The following SETD2 variants were observed in gnomAD, a reference collection of about 807,000 sequenced individuals.
SETD2 encodes the protein SET domain containing 2, histone lysine methyltransferase.
Under a neutral mutation model 242.1 loss-of-function variants are expected in SETD2, and 31 were observed. The ratio of observed to expected loss-of-function variants is 0.13; its 90% confidence interval spans 0.10 to 0.17. SETD2 has a LOEUF of 0.17. SETD2 is among the 10% of genes least tolerant of loss of function. The pLI, the probability that SETD2 is intolerant of heterozygous loss-of-function variation, is 1.00. For synonymous variants in SETD2, 1,006 were observed against 1,066.5 expected, an observed-to-expected ratio of 0.94 and a Z score of 1.11; for missense variants, 2,481 against 3,046.3, an observed-to-expected ratio of 0.81 and a Z score of 4.37.
intron 17 of SETD2, among the ~76,000 whole-genome samples, chr3:47,040,061 C>G (rs2039209354): frequency 6.6e-6 from 1 of 151,586 alleles, no homozygotes; most frequent in South Asian, 2.1e-4. Context: ...ACTGCAACCT[C>G]TGCCTCCAGG....
At chr3:47,108,058 C>T (rs2042508023) in intron 5 of SETD2, among the ~76,000 whole-genome samples, 1 of 151,974 alleles carries the variant, frequency 6.6e-6, no homozygotes, top group Non-Finnish European at 1.5e-5. Flanking sequence ...GTGGGTAGAT[C>T]ACTTAAGCCT....
At chr3:47,023,312 A>G (rs1398734911) in intron 18 of SETD2, among the ~76,000 whole-genome samples, 2 of 152,266 alleles carry the variant, frequency 1.3e-5, no homozygotes, top group South Asian at 2.1e-4. Flanking sequence ...AGGCAGGAGA[A>G]CTGCTTGAAC....
At chr3:47,140,244 T>C (rs943841753) in intron 1 of SETD2, among the ~76,000 whole-genome samples, 3 of 152,228 alleles carry the variant, frequency 2.0e-5, no homozygotes, top group Non-Finnish European at 4.4e-5. Context: ...TCTCTACTTG[T>C]CTGCCAAATA....
chr3:47,019,977 G>A, intron 18 of SETD2, 137 bp from the exon 19 acceptor site: 1 of 706,940 alleles, frequency 1.4e-6, no homozygotes, highest in South Asian at 1.6e-5. Flanking sequence ...TAGAGGCCCT[G>A]ACTCAGGTAC....
At chr3:47,072,952 A>T (rs2040888813) in intron 12 of SETD2, among the ~76,000 whole-genome samples, 1 of 151,526 alleles carries the variant, frequency 6.6e-6, no homozygotes, top group Non-Finnish European at 1.5e-5. Flanking sequence ...ATCTCAAAAA[A>T]AAAAAGAAAG....
intron 5 of SETD2, among the ~76,000 whole-genome samples, chr3:47,112,284 T>G (rs765597177): frequency 6.6e-5 from 10 of 151,832 alleles, no homozygotes; most frequent in Non-Finnish European, 1.5e-4. Flanking sequence ...CTGGCTAATT[T>G]TTGTTTTGTT....
intron 11 of SETD2, 37 bp downstream of exon 11, chr3:47,086,158 C>G (rs1240473012): frequency 3.7e-6 from 6 of 1,606,928 alleles, no homozygotes; most frequent in Non-Finnish European, 5.1e-6. Context: ...ATCAATATAA[C>G]AGTTTTAAGA....
intron 12 of SETD2, among the ~76,000 whole-genome samples, chr3:47,072,946 CAA>C (rs113329240): frequency 1.3e-5 from 1 of 78,064 alleles, no homozygotes; most frequent in Non-Finnish European, 2.6e-5. Flanking sequence ...GACTCCATCT[CAA>C]AAAAAAAAAG....
At chr3:47,104,374 T>C (rs1227565216) in intron 6 of SETD2, among the ~76,000 whole-genome samples, 1 of 151,822 alleles carries the variant, frequency 6.6e-6, no homozygotes, top group Non-Finnish European at 1.5e-5. Flanking sequence ...ACCCTGTCTC[T>C]ACAAAAAATT....
intron 16 of SETD2, among the ~76,000 whole-genome samples, chr3:47,043,243 G>A (rs909996548): frequency 2.6e-5 from 4 of 152,154 alleles, no homozygotes; most frequent in Admixed American, 1.3e-4. Context: ...TAATCCTGCT[G>A]TGACTGTTAC....
chr3:47,033,379 C>A (rs1238574064), intron 18 of SETD2, among the ~76,000 whole-genome samples: 1 of 152,178 alleles, frequency 6.6e-6, no homozygotes, highest in Non-Finnish European at 1.5e-5. Flanking sequence ...CATAACAGAG[C>A]TATAAGCAAC....
At chr3:47,080,863 G>A (rs1371674603) in intron 12 of SETD2, 1 of 986,862 alleles carries the variant, frequency 1.0e-6, no homozygotes, top group South Asian at 4.7e-5. Context: ...GGCAATGGAC[G>A]CACCAAAATA....
chr3:47,064,054 T>C (rs2040452449), intron 13 of SETD2, among the ~76,000 whole-genome samples: 2 of 152,150 alleles, frequency 1.3e-5, no homozygotes, highest in African/African-American at 4.8e-5. Flanking sequence ...ACTGGCATAA[T>C]ATGCTGTTGC....
In SETD2 at chr3:47,062,362, GGTTT is replaced by G. The variant is rs777305840; in HGVS notation, c.6110-20_6110-17del. 4.7e-6 allele frequency: 7 copies of G among 1,499,246 alleles called. No individual in the cohort carries two copies. Among genetic ancestry groups the G allele is most frequent in the Non-Finnish European group, 6.2e-6 (7 of 1,137,248 alleles). The allele number at this position is 1,499,246 out of a possible 1,614,324, so 92.9% of individuals were successfully genotyped here. A position where few individuals can be genotyped will look rare whatever the true frequency, so the allele number is the denominator to read the frequency against. ...CGTTCAGTTGCTAAGGGAAAAGGGT[GGTTT>G]GTTTGTTTTTTTTTTTTTTAAGTTT... On this transcript the variant is annotated splice_polypyrimidine_tract_variant and intron_variant, in intron 13 of 20. Coordinates refer to ENST00000409792, the MANE Select transcript of SETD2 (RefSeq NM_014159.7).
At chr3:47,136,335 A>G (rs1198470687) in intron 1 of SETD2, among the ~76,000 whole-genome samples, 2 of 152,128 alleles carry the variant, frequency 1.3e-5, no homozygotes, top group Admixed American at 6.5e-5. Context: ...TCCCTCATAC[A>G]TTCCAAGATA....
At chr3:47,037,866 C>T in intron 17 of SETD2, 89 bp from the exon 18 acceptor site, 1 of 902,930 alleles carries the variant, frequency 1.1e-6, no homozygotes, top group Non-Finnish European at 1.8e-6. Flanking sequence ...ACATAAAATA[C>T]AACATACAAT....
chr3:47,078,571 C>G (rs1333375854), intron 12 of SETD2, among the ~76,000 whole-genome samples: 1 of 117,854 alleles, frequency 8.5e-6, no homozygotes, highest in Non-Finnish European at 1.6e-5. Flanking sequence ...ATGTGAACAA[C>G]TGGCAAAATC....
At chr3:47,125,224 T>C (rs567849429) in intron 2 of SETD2, among the ~76,000 whole-genome samples, 2 of 151,734 alleles carry the variant, frequency 1.3e-5, no homozygotes, top group African/African-American at 4.8e-5. Flanking sequence ...GAGGCTGAGG[T>C]GGGAGAATCA....
rs760392790 is a variant in SETD2, at chr3:47,084,280, C to T, written c.5500G>A (p.Val1834Ile). ...IQRWSQTKTAVPPLSEGDGYS... is the reference protein window; with the variant it reads ...IQRWSQTKTAIPPLSEGDGYS... ...CCATCTCCTTCACTCAACGGAGGGACAGCAGTCTTAGTCTGAGACCAGCGT... is the reference window on the plus strand; with the variant it reads ...CCATCTCCTTCACTCAACGGAGGGATAGCAGTCTTAGTCTGAGACCAGCGT... The change falls in exon 12 of 21, where the codon GTC (valine) becomes ATC (isoleucine). Residue 1834 changes from valine to isoleucine, a missense_variant. Around this residue, in one of 17 missense-constraint regions of SETD2, gnomAD observed 203 missense variants for 222.4 expected, o/e 0.91. Coordinates refer to ENST00000409792, the MANE Select transcript of SETD2 (RefSeq NM_014159.7). 6 of 1,613,918 alleles carry T rather than the reference C, an allele frequency of 3.7e-6. No individual in the cohort carries two copies. The highest frequency in any genetic ancestry group is 4.2e-6 in the Non-Finnish European group (5 of 1,179,962).
Sources: allele counts gnomAD v4.1 joint callset (sites outside exome capture counted in the v4.1 genomes callset), GRCh38; gene constraint gnomAD v4.1.1; regional missense constraint gnomAD v4.1.1; transcripts MANE v1.5; gene names NCBI Gene and HGNC (gene_info 2026-07-23, HGNC 2026-07-21).